CDH22: variants seen among roughly 807,000 people sequenced by gnomAD.
CDH22 encodes the protein cadherin-22.
Under a neutral mutation model 58.4 loss-of-function variants are expected in CDH22, and 30 were observed. The ratio of observed to expected loss-of-function variants is 0.51; its 90% CI spans 0.38 to 0.70. The LOEUF is 0.70. CDH22 is among the 30% of genes least tolerant of loss of function. The pLI, the probability that CDH22 is intolerant of heterozygous loss-of-function variation, is 0.00. For synonymous variants in CDH22, 513 were observed against 558.2 expected (o/e 0.92, Z 1.14); for missense variants, 1,014 against 1,233.9 (o/e 0.82, Z 2.67).
chr20:46,246,935 C>G (rs2086333838), intron 2 of CDH22, among the ~76,000 whole-genome samples: 1 of 149,732 alleles, frequency 6.7e-6, no homozygotes, highest in Non-Finnish European at 1.5e-5. Flanking sequence ...CATATGTGCC[C>G]ACACAAGCAC....
chr20:46,179,781 T>C (rs979837913), intron 10 of CDH22, among the ~76,000 whole-genome samples: 3 of 152,188 alleles, frequency 2.0e-5, no homozygotes, highest in Non-Finnish European at 4.4e-5. Context: ...CTTAGAAAAG[T>C]TCCCAGCCCA....
intron 1 of CDH22, among the ~76,000 whole-genome samples, chr20:46,279,216 A>G (rs566772480): frequency 1.3e-5 from 2 of 152,210 alleles, no homozygotes; most frequent in Non-Finnish European, 2.9e-5. Flanking sequence ...TATTATAACT[A>G]TTATCATAAT....
At chr20:46,245,089 A>G (rs1311079784) in intron 2 of CDH22, among the ~76,000 whole-genome samples, 1 of 152,166 alleles carries the variant, frequency 6.6e-6, no homozygotes, top group Non-Finnish European at 1.5e-5. Flanking sequence ...CCTTGCGCTT[A>G]GTAGGTGCTC....
Position 46,251,997 on chromosome 20 carries a change from G to T in CDH22, c.-399-304C>A, listed in dbSNP as rs1220556474. Among the ~76,000 whole-genome samples the T allele has an allele frequency of 6.6e-6, 1 of 151,880 alleles. No homozygotes were observed. Among genetic ancestry groups the T allele is most frequent in the Non-Finnish European group, 1.5e-5 (1 of 67,954 alleles). ...CAGCCCTCATGCCCACACAAGGAGA[G>T]ACCCTAGTAGGCGGTGCCCCTGACC... On this transcript the variant is annotated intron_variant, in intron 1 of 11. Coordinates refer to ENST00000537909, the MANE Select transcript of CDH22 (RefSeq NM_021248.3). This position sits in a 1 kb window ranked among gnomAD's most constrained non-coding sequence, Gnocchi z 6.7.
chr20:46,208,630 C>T (rs2425782), intron 7 of CDH22, among the ~76,000 whole-genome samples: 82,395 of 151,966 alleles, frequency 0.54, 23,025 homozygotes, highest in South Asian at 0.62. Context: ...GTTTTGCTCT[C>T]GTTGCCCAGG....
intron 1 of CDH22, among the ~76,000 whole-genome samples, chr20:46,267,688 G>A (rs1049071389): frequency 6.6e-6 from 1 of 152,240 alleles, no homozygotes; most frequent in African/African-American, 2.4e-5. Flanking sequence ...GACACCATGT[G>A]TGACCTTGCA....
chr20:46,218,123 C>T (rs559806918), intron 4 of CDH22, among the ~76,000 whole-genome samples: 10 of 152,208 alleles, frequency 6.6e-5, no homozygotes, highest in South Asian at 2.1e-4. Context: ...AGGGTTTTGC[C>T]GTGTTGGCCA....
chr20:46,202,691 A>G (rs1030650936), intron 7 of CDH22, among the ~76,000 whole-genome samples: 6 of 152,098 alleles, frequency 3.9e-5, no homozygotes, highest in African/African-American at 1.4e-4. Flanking sequence ...GCCCATCCAA[A>G]GTTGAACCAG....
intron 11 of CDH22, among the ~76,000 whole-genome samples, chr20:46,177,569 A>G (rs2085750151): frequency 6.6e-6 from 1 of 152,134 alleles, no homozygotes; most frequent in Non-Finnish European, 1.5e-5. Context: ...CAGCGCTTTC[A>G]TCTGAAAAAT....
At chr20:46,211,669 A>G (rs957538146) in intron 6 of CDH22, among the ~76,000 whole-genome samples, 1 of 152,154 alleles carries the variant, frequency 6.6e-6, no homozygotes, top group Non-Finnish European at 1.5e-5. Context: ...CCCCGGGCTG[A>G]GTTTGAAGCC....
intron 4 of CDH22, among the ~76,000 whole-genome samples, chr20:46,218,884 C>G (rs2086104417): frequency 1.3e-5 from 2 of 152,128 alleles, no homozygotes; most frequent in South Asian, 4.1e-4. Context: ...CCACTCCAAC[C>G]TGCCGAGCAC....
At position 46,210,603 on chromosome 20, in the gene CDH22, T is replaced by C; in HGVS notation, c.1033-43A>G. 7.1e-7 allele frequency: 1 copy of C among 1,411,472 alleles called. No homozygotes were observed. Among genetic ancestry groups the C allele is most frequent in the Non-Finnish European group, 9.3e-7 (1 of 1,077,832 alleles). The allele number at this position is 1,411,472 out of a possible 1,614,324, so 87.4% of individuals were successfully genotyped here. On this transcript the variant is annotated intron_variant, in intron 6 of 11. Transcript: ENST00000537909. The surrounding 1 kb of genome is among the most constrained non-coding windows in gnomAD (Gnocchi z 4.5). ...GGGCCGGTTAGTGGGTGGGGTCTGGTGGACACTGAGGCCTTCACGAGGGAG... is the reference window on the plus strand; with the variant it reads ...GGGCCGGTTAGTGGGTGGGGTCTGGCGGACACTGAGGCCTTCACGAGGGAG...
At chr20:46,221,732 G>C (rs2086127280) in intron 4 of CDH22, among the ~76,000 whole-genome samples, 1 of 152,172 alleles carries the variant, frequency 6.6e-6, no homozygotes, top group African/African-American at 2.4e-5. Flanking sequence ...GGGAGGAATT[G>C]ATAACATATT....
chr20:46,305,179 C>T (rs572128982), intron 1 of CDH22, among the ~76,000 whole-genome samples: 1 of 152,352 alleles, frequency 6.6e-6, no homozygotes, highest in East Asian at 1.9e-4. Context: ...TCTTGTTAGG[C>T]CTTGTCTCCT....
chr20:46,227,675 G>T (rs1207147801), intron 3 of CDH22, 48 bp from the exon 4 acceptor site: 26 of 1,567,746 alleles, frequency 1.7e-5, no homozygotes, highest in Non-Finnish European at 9.5e-6. Flanking sequence ...GGGCTGCGGA[G>T]CTCGTTCCCC....
At chr20:46,194,726 CTAT>C (rs2085886613) in intron 8 of CDH22, among the ~76,000 whole-genome samples, 1 of 152,188 alleles carries the variant, frequency 6.6e-6, no homozygotes, top group Admixed American at 6.5e-5. Flanking sequence ...ATAGAAGCTG[CTAT>C]TATTATTAAT....
intron 3 of CDH22, among the ~76,000 whole-genome samples, chr20:46,238,724 A>G (rs1191133948): frequency 6.6e-6 from 1 of 152,216 alleles, no homozygotes; most frequent in Non-Finnish European, 1.5e-5. Flanking sequence ...CTTCTAGGAT[A>G]TATCCAAAAG....
chr20:46,298,264 G>A (rs981153257), intron 1 of CDH22, among the ~76,000 whole-genome samples: 41 of 152,280 alleles, frequency 2.7e-4, no homozygotes, highest in African/African-American at 7.7e-4. Flanking sequence ...GATACATAAA[G>A]TCTCCTCTCA....
chr20:46,276,304 A>G (rs971282343), intron 1 of CDH22, among the ~76,000 whole-genome samples: 2 of 152,228 alleles, frequency 1.3e-5, no homozygotes, highest in African/African-American at 2.4e-5. Context: ...CAAGGGAGTG[A>G]CAGTGATTAG....
Sources: allele counts gnomAD v4.1 joint callset (sites outside exome capture counted in the v4.1 genomes callset), GRCh38; gene constraint gnomAD v4.1.1; non-coding constraint Gnocchi (gnomAD v3.1); transcripts MANE v1.5; gene names NCBI Gene and HGNC (gene_info 2026-07-23, HGNC 2026-07-21).